The following HSD17B12 variants were observed in gnomAD, a reference collection of about 807,000 sequenced individuals.
HSD17B12 encodes very-long-chain 3-oxoacyl-CoA reductase.
Under a neutral mutation model 39.3 loss-of-function variants are expected in HSD17B12, and 32 were observed. The observed-to-expected ratio is 0.81, with a 90% CI of 0.61 to 1.09. The LOEUF (loss-of-function observed/expected upper bound fraction) is 1.09, where lower values mean the gene tolerates loss of function less well. Among genes scored for constraint, HSD17B12 ranks in the 50% least tolerant of loss-of-function variants. The probability of loss-of-function intolerance (pLI) is 0.00; values close to 1 mark genes in which losing one functional copy is unlikely to be tolerated. For missense variants in HSD17B12, 342 were observed against 382.9 expected, an observed-to-expected ratio of 0.89 and a Z score of 0.89; for synonymous variants, 150 against 146.7, an observed-to-expected ratio of 1.02 and a Z score of -0.16.
At chr11:43,611,425 GA>G in the HSD17B12 span, among the ~76,000 whole-genome samples, 1 of 152,178 alleles carries the variant, frequency 6.6e-6, no homozygotes, top group Non-Finnish European at 1.5e-5. Flanking sequence ...CCCAATTCCA[GA>G]ATGGTTGATG....
In HSD17B12 at chr11:43,760,716, G is replaced by T. The variant is rs1486894503; in HGVS notation, c.283+6595G>T. Among the ~76,000 whole-genome samples the T allele has an allele frequency of 2.0e-5, 3 of 152,114 alleles. No individual in the cohort carries two copies. In the East Asian group the frequency reaches 5.8e-4, roughly 29 times the overall value. On this transcript the variant is annotated intron_variant, in intron 3 of 10. Transcript: ENST00000278353. ...AATAATACCATTAATACGATGCCTT[G>T]TTATATTTAGCTTGTTTTGTTTTCA...
chr11:43,696,449 A>G (rs1048209706), intron 1 of HSD17B12, among the ~76,000 whole-genome samples: 1 of 152,272 alleles, frequency 6.6e-6, no homozygotes, highest in Non-Finnish European at 1.5e-5. Flanking sequence ...AGAAATGCAA[A>G]TCAAAACCAC....
intron 1 of HSD17B12, among the ~76,000 whole-genome samples, chr11:43,695,366 G>A (rs1244461541): frequency 6.6e-6 from 1 of 152,062 alleles, no homozygotes; most frequent in Non-Finnish European, 1.5e-5. Context: ...ATCACTTGAG[G>A]TCAGGAGTTT....
intron 1 of HSD17B12, among the ~76,000 whole-genome samples, chr11:43,702,513 A>G (rs183003496): frequency 7.9e-5 from 12 of 152,340 alleles, no homozygotes; most frequent in Admixed American, 5.2e-4. Flanking sequence ...GGTTTTTGTC[A>G]TGAAGGGATA....
intron 3 of HSD17B12, among the ~76,000 whole-genome samples, chr11:43,796,566 C>G (rs530888280): frequency 6.6e-6 from 1 of 152,090 alleles, no homozygotes; most frequent in African/African-American, 2.4e-5. Context: ...TAACATTCTT[C>G]GTGAAAGTGT....
intron 8 of HSD17B12, 59 bp from the exon 9 acceptor site, chr11:43,839,940 C>T: frequency 7.5e-7 from 1 of 1,326,348 alleles, no homozygotes. Flanking sequence ...TCCATGGCTA[C>T]AAATCAGGCA....
the HSD17B12 span, among the ~76,000 whole-genome samples, chr11:43,652,365 G>A: frequency 6.6e-6 from 1 of 152,288 alleles, no homozygotes. Context: ...ACACAGAGAA[G>A]ATGTCTGTTA....
intron 1 of HSD17B12, among the ~76,000 whole-genome samples, chr11:43,744,436 C>T (rs963915185): frequency 2.0e-5 from 3 of 152,064 alleles, no homozygotes; most frequent in Non-Finnish European, 4.4e-5. Flanking sequence ...CGTTAGAAGA[C>T]AACGGAGAGT....
intron 6 of HSD17B12, among the ~76,000 whole-genome samples, chr11:43,824,378 C>T (rs1951212033): frequency 6.6e-6 from 1 of 152,208 alleles, no homozygotes; most frequent in Admixed American, 6.5e-5. Flanking sequence ...GTCTTAGTCC[C>T]TCTGGGCTGC....
intron 6 of HSD17B12, among the ~76,000 whole-genome samples, chr11:43,828,628 T>C (rs1428798300): frequency 6.6e-6 from 1 of 152,198 alleles, no homozygotes; most frequent in African/African-American, 2.4e-5. Flanking sequence ...AAAATTTTTC[T>C]GGTGCAGCAA....
At chr11:43,591,564 T>C in the HSD17B12 span, among the ~76,000 whole-genome samples, 130 of 152,260 alleles carry the variant, frequency 8.5e-4, no homozygotes, top group African/African-American at 2.9e-3. Flanking sequence ...TATTTTTTAG[T>C]GATGCTTTAG....
chr11:43,720,088 T>C (rs1473241399), intron 1 of HSD17B12, among the ~76,000 whole-genome samples: 1 of 152,326 alleles, frequency 6.6e-6, no homozygotes, highest in East Asian at 1.9e-4. Context: ...GTCTATATTT[T>C]CAAGGTCTCA....
At chr11:43,607,741 CCTTT>C in the HSD17B12 span, among the ~76,000 whole-genome samples, 1 of 152,144 alleles carries the variant, frequency 6.6e-6, no homozygotes, top group African/African-American at 2.4e-5. Context: ...CTTTCACATG[CCTTT>C]CTTTTATAAA....
the HSD17B12 span, among the ~76,000 whole-genome samples, chr11:43,559,032 G>A: frequency 1.3e-5 from 2 of 152,102 alleles, no homozygotes. Context: ...TGGATCTGCC[G>A]GTGTGAAGTA....
At chr11:43,640,225 T>C in the HSD17B12 span, among the ~76,000 whole-genome samples, 3 of 152,132 alleles carry the variant, frequency 2.0e-5, no homozygotes, top group South Asian at 6.2e-4. Flanking sequence ...GCACAATTAA[T>C]TCTCATTCCC....
intron 9 of HSD17B12, among the ~76,000 whole-genome samples, chr11:43,851,089 A>AT (rs971763273): frequency 2.0e-5 from 3 of 151,938 alleles, no homozygotes; most frequent in Non-Finnish European, 2.9e-5. Context: ...CAGTGATTTT[A>AT]TTTTTTTTAT....
chr11:43,658,801 C>G, the HSD17B12 span, among the ~76,000 whole-genome samples: 2 of 152,224 alleles, frequency 1.3e-5, no homozygotes, highest in Non-Finnish European at 2.9e-5. Flanking sequence ...CAGTCCGCCC[C>G]TACTGGGGGG....
chr11:43,816,293 AT>A, intron 5 of HSD17B12, 53 bp from the exon 6 acceptor site: 5 of 1,363,802 alleles, frequency 3.7e-6, no homozygotes, highest in Non-Finnish European at 5.0e-6. Context: ...TAGATATCTA[AT>A]AGGGTCACTT....
chr11:43,606,762 G>A, the HSD17B12 span, among the ~76,000 whole-genome samples: 5 of 152,220 alleles, frequency 3.3e-5, no homozygotes, highest in African/African-American at 1.2e-4. Flanking sequence ...CTATGTGAAA[G>A]GGAGAGGAAG....
Sources: allele counts gnomAD v4.1 joint callset (sites outside exome capture counted in the v4.1 genomes callset), GRCh38; gene constraint gnomAD v4.1.1; transcripts MANE v1.5; gene names NCBI Gene and HGNC (gene_info 2026-07-23, HGNC 2026-07-21).